Variants in CFAP69 observed in about 807,000 individuals in gnomAD.
CFAP69 encodes the protein cilia- and flagella-associated protein 69.
A neutral mutation model predicts 123.0 loss-of-function variants in CFAP69; 92 were observed. That is an observed-to-expected ratio of 0.75 (90% CI 0.63 to 0.89). The LOEUF is 0.89. Among genes scored for constraint, CFAP69 ranks in the 40% least tolerant of loss-of-function variants. The pLI, the probability that CFAP69 is intolerant of heterozygous loss-of-function variation, is 0.00. For synonymous variants in CFAP69, 380 were observed against 364.3 expected (o/e 1.04, Z -0.49); for missense variants, 1,067 against 1,096.9 (o/e 0.97, Z 0.39).
At chr7:90,284,975 G>A (rs1293653294) in intron 13 of CFAP69, among the ~76,000 whole-genome samples, 2 of 152,114 alleles carry the variant, frequency 1.3e-5, no homozygotes, top group East Asian at 3.9e-4. Context: ...AAGAAACTGG[G>A]AGAAATAGAA....
At chr7:90,314,959 CTT>C (rs71987368), downstream of CFAP69, among the ~76,000 whole-genome samples, 24,168 of 151,878 alleles carry the variant, frequency 0.16, 2,335 homozygotes, top group Non-Finnish European at 0.22. Flanking sequence ...TGAACAGACA[CTT>C]TTCAAAAGAT....
At chr7:90,275,751 G>T (rs1288024901) in intron 9 of CFAP69, among the ~76,000 whole-genome samples, 1 of 151,450 alleles carries the variant, frequency 6.6e-6, no homozygotes, top group Non-Finnish European at 1.5e-5. Flanking sequence ...ACAGGCACCC[G>T]CCACCACACC....
downstream of CFAP69, among the ~76,000 whole-genome samples, chr7:90,314,522 G>A (rs1185393181): frequency 6.6e-6 from 1 of 151,722 alleles, no homozygotes; most frequent in East Asian, 1.9e-4. Context: ...CCAGCTATTT[G>A]GGAGGCTGAG....
At chr7:90,264,936 G>T (rs998568191) in intron 4 of CFAP69, among the ~76,000 whole-genome samples, 1 of 151,938 alleles carries the variant, frequency 6.6e-6, no homozygotes, top group Non-Finnish European at 1.5e-5. Context: ...TGGGACTACA[G>T]GTGCACGCCA....
chr7:90,306,179 T>G (rs778644916), intron 19 of CFAP69, among the ~76,000 whole-genome samples: 2 of 152,018 alleles, frequency 1.3e-5, no homozygotes, highest in East Asian at 1.9e-4. Context: ...TTCAAACTCC[T>G]AGGCTCAAGT....
chr7:90,315,447 T>C (rs1247893347), downstream of CFAP69, among the ~76,000 whole-genome samples: 1 of 152,196 alleles, frequency 6.6e-6, no homozygotes, highest in Non-Finnish European at 1.5e-5. Context: ...ATCATGTCTT[T>C]TGCAAGAACA....
intron 14 of CFAP69, among the ~76,000 whole-genome samples, chr7:90,287,909 G>A (rs1790536948): frequency 6.6e-6 from 1 of 151,936 alleles, no homozygotes; most frequent in East Asian, 1.9e-4. Flanking sequence ...AGACTGCATT[G>A]ATTATAATAT....
intron 13 of CFAP69, among the ~76,000 whole-genome samples, chr7:90,283,935 G>T (rs1481464660): frequency 1.3e-5 from 2 of 152,070 alleles, no homozygotes; most frequent in Admixed American, 6.6e-5. Flanking sequence ...AAAGTATATT[G>T]AAAAGGAGCT....
intron 1 of CFAP69, 58 bp downstream of exon 1, chr7:90,245,602 CGG>C: frequency 7.1e-7 from 1 of 1,410,932 alleles, no homozygotes; most frequent in African/African-American, 1.5e-5. Flanking sequence ...AGTCTCGAGA[CGG>C]GGTCCAGACC....
At chr7:90,308,233 T>A (rs115693390) in intron 21 of CFAP69, among the ~76,000 whole-genome samples, 11 of 152,186 alleles carry the variant, frequency 7.2e-5, no homozygotes, top group African/African-American at 2.6e-4. Context: ...TATTACTCTG[T>A]CCCCCAAGAG....
downstream of CFAP69, chr7:90,312,943 T>C (rs1002412210): frequency 6.6e-6 from 1 of 152,140 alleles, no homozygotes; most frequent in Non-Finnish European, 1.5e-5. Flanking sequence ...TTTTACCACA[T>C]GGGGGAGCTC....
At chr7:90,253,516 G>A (rs13244270) in intron 1 of CFAP69, among the ~76,000 whole-genome samples, 9,576 of 152,046 alleles carry the variant, frequency 0.063, 378 homozygotes, top group Non-Finnish European at 0.091. Flanking sequence ...TCAGCCTCCC[G>A]AGTAGCTGGG....
At chr7:90,312,347 G>A (rs530275529), downstream of CFAP69, 2 of 152,262 alleles carry the variant, frequency 1.3e-5, no homozygotes, top group South Asian at 4.1e-4. Context: ...TATAACCAAG[G>A]TGTGGAAATA....
At chr7:90,311,830 A>G (rs925104503), downstream of CFAP69, among the ~76,000 whole-genome samples, 1 of 152,168 alleles carries the variant, frequency 6.6e-6, no homozygotes, top group Non-Finnish European at 1.5e-5. Context: ...GCATCAGCTT[A>G]TCAGTGAGCT....
At position 90,258,109 on chromosome 7, in the gene CFAP69, A is replaced by G. The variant is rs750324295; in HGVS notation, c.192A>G (p.Glu64=). ...GTGATCTGTTTTAGGATGGCTTGGA[A>G]GAAAAACAACTTAAATTTGTCAAGA... ...LLEETDKDGL[E]EKQLKFVKKL... The change falls in exon 3 of 23, where the codon GAA becomes GAG. Residue 64 remains glutamate (E), a synonymous_variant. Coordinates refer to ENST00000389297, the MANE Select transcript of CFAP69 (RefSeq NM_001039706.3). 3 of 1,611,710 alleles carry G rather than the reference A, an allele frequency of 1.9e-6. No individual in the cohort carries two copies. In the Admixed American group the frequency reaches 5.0e-5, roughly 27 times the overall value.
Position 90,274,075 on chromosome 7 carries a change from A to G in CFAP69, c.949A>G (p.Thr317Ala). 6.2e-7 allele frequency: 1 copy of G among 1,604,710 alleles called. No individual in the cohort carries two copies. The highest frequency in any genetic ancestry group is 8.5e-7 in the Non-Finnish European group (1 of 1,177,038). Residue 317 changes from threonine (T) to alanine (A), a missense_variant, in exon 9 of 23, where the codon ACA (threonine) becomes GCA (alanine). Physicochemically the swap from Thr to Ala is moderately conservative, Grantham distance 58. Transcript: ENST00000389297. ...TAGAAATGACATATTAGTGATCACT[A>G]CAATTATAGCTCAAAATCCTGAAGC... The part of the protein sequence containing the change: ...QLRNDILVIT[T>A]IIAQNPEAPM...
the CFAP69 span, among the ~76,000 whole-genome samples, chr7:90,320,123 C>G: frequency 1.3e-5 from 2 of 152,172 alleles, no homozygotes; most frequent in African/African-American, 2.4e-5. Flanking sequence ...ACTGCCTATC[C>G]AAGACTCCTA....
chr7:90,319,160 T>C, the CFAP69 span: 4 of 388,524 alleles, frequency 1.0e-5, no homozygotes, highest in Non-Finnish European at 1.8e-5. Flanking sequence ...CATTTAAAAT[T>C]GTAAGTCAGA....
chr7:90,285,317 G>A (rs992878977), intron 13 of CFAP69, among the ~76,000 whole-genome samples: 6 of 152,130 alleles, frequency 3.9e-5, no homozygotes, highest in Non-Finnish European at 8.8e-5. Context: ...GGCCAGTTAT[G>A]GAGATAGGCT....
Sources: gnomAD v4.1 joint callset for allele counts (sites outside exome capture counted in the v4.1 genomes callset) on GRCh38, gnomAD v4.1.1 for gene constraint, MANE v1.5 for transcripts, NCBI Gene and HGNC (gene_info 2026-07-23, HGNC 2026-07-21) for gene names.